GRK7: variants seen among roughly 807,000 people sequenced by gnomAD.
GRK7 encodes the protein G protein-coupled receptor kinase 7.
Under a neutral mutation model 34.1 loss-of-function variants are expected in GRK7, and 24 were observed. The observed-to-expected ratio is 0.70, with a 90% CI of 0.51 to 0.99. The LOEUF is 0.99. GRK7 is among the 50% of genes least tolerant of loss of function. The pLI is 0.00. For synonymous variants in GRK7, 256 were observed against 279.4 expected, an observed-to-expected ratio of 0.92 and a Z score of 0.84; for missense variants, 644 against 707.3, an observed-to-expected ratio of 0.91 and a Z score of 1.02.
intron 5 of GRK7, among the ~76,000 whole-genome samples, chr3:141,814,412 T>C (rs181865582): frequency 6.6e-6 from 1 of 152,288 alleles, no homozygotes; most frequent in African/African-American, 2.4e-5. Context: ...GTGTCTGCTG[T>C]TCCCATCTTT....
chr3:141,780,291 A>G (rs2084665307), intron 3 of GRK7, 83 bp from the exon 4 acceptor site: 1 of 1,188,556 alleles, frequency 8.4e-7, no homozygotes, highest in African/African-American at 1.5e-5. Flanking sequence ...ACATCTTTCC[A>G]CCCACCTCCT....
rs1415013791 is a variant in GRK7 at position 141,819,151 on chromosome 3, A to T, written c.*2101A>T. ...GTGATTAACAGAAATCCAATTAACC[A>T]GAGCACTCCAATGGTAGAGTTCTCA... On this transcript the variant is annotated 3_prime_UTR_variant, in exon 6 of 6. Transcript: ENST00000682958. Among the ~76,000 whole-genome samples the T allele has an allele frequency of 6.6e-6, 1 of 152,208 alleles. No homozygotes were observed. Among genetic ancestry groups the T allele is most frequent in the Non-Finnish European group, 1.5e-5 (1 of 68,026 alleles).
intron 1 of GRK7, among the ~76,000 whole-genome samples, chr3:141,766,447 G>A (rs2084581487): frequency 6.6e-6 from 1 of 152,048 alleles, no homozygotes; most frequent in African/African-American, 2.4e-5. Context: ...ACAGGCGTGA[G>A]CCAACGCACC....
intron 1 of GRK7, among the ~76,000 whole-genome samples, chr3:141,769,509 TAAGA>T (rs2084606343): frequency 6.6e-6 from 1 of 152,244 alleles, no homozygotes; most frequent in East Asian, 1.9e-4. Flanking sequence ...CCATTGTTCC[TAAGA>T]GAGAGGTCAA....
rs1202055586 is a variant in GRK7 at position 141,778,437 on chromosome 3, G to C, written c.153G>C (p.Lys51Asn). The C allele has an allele frequency of 6.2e-6, 10 of 1,613,032 alleles. No individual in the cohort carries two copies. Among genetic ancestry groups the C allele is most frequent in the Non-Finnish European group, 8.5e-6 (10 of 1,179,878 alleles). Residue 51 changes from lysine to asparagine, a missense_variant, in exon 3 of 6, where the codon AAG becomes AAC. Coordinates refer to ENST00000682958, the MANE Select transcript of GRK7 (RefSeq NM_139209.3). The surrounding 1 kb of genome is among the most constrained non-coding windows in gnomAD (Gnocchi z 4.1). ...AGGGCTGCGCGGAGCTCCGCCAGAA[G>C]CTGTCCCTGAACTTCCACAGCCTGT... ...GLQGCAELRQ[K>N]LSLNFHSLCE...
At chr3:141,808,760 G>A (rs1577927116) in intron 5 of GRK7, among the ~76,000 whole-genome samples, 1 of 152,056 alleles carries the variant, frequency 6.6e-6, no homozygotes, top group East Asian at 1.9e-4. Context: ...CTGGGGTTAA[G>A]GGGAGGAGAA....
chr3:141,782,609 A>C (rs1219281824), intron 4 of GRK7, among the ~76,000 whole-genome samples: 1 of 152,120 alleles, frequency 6.6e-6, no homozygotes, highest in African/African-American at 2.4e-5. Context: ...TAGGGGAAGA[A>C]GACCAGGAAC....
intron 4 of GRK7, among the ~76,000 whole-genome samples, chr3:141,802,224 G>A (rs1710977107): frequency 6.6e-6 from 1 of 152,116 alleles, no homozygotes; most frequent in South Asian, 2.1e-4. Context: ...ATGGTGGCAT[G>A]CACCTGTGGT....
At chr3:141,789,657 A>AAAAAAAAAAAAAAAAAAC (rs1553736388) in intron 4 of GRK7, among the ~76,000 whole-genome samples, 3 of 17,040 alleles carry the variant, frequency 1.8e-4, no homozygotes, top group African/African-American at 6.4e-4. Flanking sequence ...CCAAATGGGC[A>AAAAAAAAAAAAAAAAAAC]AAAAAAAAAA....
At chr3:141,806,933 A>T (rs1407520304) in intron 4 of GRK7, among the ~76,000 whole-genome samples, 2 of 151,796 alleles carry the variant, frequency 1.3e-5, no homozygotes, top group Admixed American at 6.6e-5. Context: ...TATATATAGA[A>T]ATAAATATGT....
At position 141,817,786 on chromosome 3, in the gene GRK7, A is replaced by G. The variant is rs1262082430; in HGVS notation, c.*736A>G. 6.6e-6 allele frequency: 1 copy of G among 152,178 alleles called. No homozygotes were observed. The highest frequency in any genetic ancestry group is 1.5e-5 in the Non-Finnish European group (1 of 68,042). 9.4% of individuals were successfully genotyped at this position (152,178 alleles called of 1,614,324 possible). A position where few individuals can be genotyped will look rare whatever the true frequency, so the allele number is the denominator to read the frequency against. On this transcript the variant is annotated 3_prime_UTR_variant, in exon 6 of 6. Coordinates refer to ENST00000682958, the MANE Select transcript of GRK7 (RefSeq NM_139209.3). ...GTTCCCAAACTCTGCTGAACTTTGGAATCATCTAGGGATCTTTTAAAAAAC... is the reference window on the plus strand; with the variant it reads ...GTTCCCAAACTCTGCTGAACTTTGGGATCATCTAGGGATCTTTTAAAAAAC...
chr3:141,780,743 G>A lies in GRK7; in HGVS notation c.982G>A (p.Gly328Ser), dbSNP rs146426108. Residue 328 changes from glycine to serine, a missense_variant, in exon 4 of 6, where the codon GGC (glycine) becomes AGC (serine). Physicochemically the swap from Gly to Ser is moderately conservative, Grantham distance 56. Transcript: ENST00000682958. ...KPENVLLDDLGNCRLSDLGLA... is the reference protein window; with the variant it reads ...KPENVLLDDLSNCRLSDLGLA... Reference sequence around the variant, plus strand: ...TGAGAATGTGCTTCTGGATGACCTCGGCAACTGCAGGTTATCTGACCTGGG... The same window carrying A: ...TGAGAATGTGCTTCTGGATGACCTCAGCAACTGCAGGTTATCTGACCTGGG... 3.0e-5 allele frequency: 48 copies of A among 1,614,046 alleles called. No homozygotes were observed. Among genetic ancestry groups the A allele is most frequent in the African/African-American group, 6.7e-5 (5 of 74,918 alleles).
At chr3:141,770,992 C>CT (rs2084614357) in intron 1 of GRK7, among the ~76,000 whole-genome samples, 3 of 66,638 alleles carry the variant, frequency 4.5e-5, no homozygotes. Context: ...GATACCCAGT[C>CT]TCAAAAAAAA....
chr3:141,807,645 G>A lies in GRK7; in HGVS notation c.1051G>A (p.Ala351Thr). The change falls in exon 5 of 6, where the codon GCT becomes ACT. Residue 351 changes from alanine (A) to threonine (T), a missense_variant and splice_region_variant. Ala to Thr is a moderately conservative substitution (Grantham distance 58). Transcript: ENST00000682958. Reference sequence around the variant, plus strand: ...TTGTTTTTTGTTTGGGATGTTACAGGCTGGAACCAATGGTTACATGGCTCC... The same window carrying A: ...TTGTTTTTTGTTTGGGATGTTACAGACTGGAACCAATGGTTACATGGCTCC... Reference protein sequence around the residue: ...MKGGKPITQRAGTNGYMAPEI... With the variant: ...MKGGKPITQRTGTNGYMAPEI... 1 of 1,613,582 alleles carries A rather than the reference G, an allele frequency of 6.2e-7. No individual in the cohort carries two copies. The highest frequency in any genetic ancestry group is 8.5e-7 in the Non-Finnish European group (1 of 1,179,544).
rs1046725303 is a variant in GRK7 at position 141,818,893 on chromosome 3, C to A, written c.*1843C>A. Among the ~76,000 whole-genome samples the A allele has an allele frequency of 6.6e-6, 1 of 152,180 alleles. No individual in the cohort carries two copies. The highest frequency in any genetic ancestry group is 1.5e-5 in the Non-Finnish European group (1 of 68,028). ...ACACCTGGAACAAGTTAAGAAGAAGCCCTCTGAGAGTTGAGGCCTCGGCCG... is the reference window on the plus strand; with the variant it reads ...ACACCTGGAACAAGTTAAGAAGAAGACCTCTGAGAGTTGAGGCCTCGGCCG... On this transcript the variant is annotated 3_prime_UTR_variant, in exon 6 of 6. Coordinates refer to ENST00000682958, the MANE Select transcript of GRK7 (RefSeq NM_139209.3).
At chr3:141,752,750 A>T in the GRK7 span, among the ~76,000 whole-genome samples, 1 of 152,200 alleles carries the variant, frequency 6.6e-6, no homozygotes, top group African/African-American at 2.4e-5. Flanking sequence ...GCTGCCATGG[A>T]CCAAATTGTG....
At chr3:141,800,473 C>A (rs1710947614) in intron 4 of GRK7, among the ~76,000 whole-genome samples, 1 of 149,236 alleles carries the variant, frequency 6.7e-6, no homozygotes, top group African/African-American at 2.5e-5. Context: ...AAGAACGATG[C>A]AGGGAATAGA....
chr3:141,796,628 A>C (rs117374643), intron 4 of GRK7, among the ~76,000 whole-genome samples: 1 of 152,212 alleles, frequency 6.6e-6, no homozygotes, highest in Non-Finnish European at 1.5e-5. Context: ...AGACACTCAC[A>C]GTTGTCTTGC....
intron 4 of GRK7, 125 bp from the exon 5 acceptor site, chr3:141,807,520 T>C: frequency 1.2e-6 from 1 of 864,430 alleles, no homozygotes; most frequent in Admixed American, 2.4e-5. Flanking sequence ...CCCAAACAAA[T>C]TAGGGTTCCC....
Sources: gnomAD v4.1 joint callset for allele counts (sites outside exome capture counted in the v4.1 genomes callset) on GRCh38, gnomAD v4.1.1 for gene constraint, Gnocchi (gnomAD v3.1) non-coding constraint, MANE v1.5 for transcripts, NCBI Gene and HGNC (gene_info 2026-07-23, HGNC 2026-07-21) for gene names.